The following CSMD1 variants were observed in gnomAD, a reference collection of about 807,000 sequenced individuals.
CSMD1 encodes the protein CUB and Sushi multiple domains 1.
Under a neutral mutation model 417.5 loss-of-function variants are expected in CSMD1, and 213 were observed. The observed-to-expected ratio is 0.51, with a 90% CI of 0.46 to 0.57. The LOEUF is 0.57. CSMD1 is among the 20% of genes least tolerant of loss of function. The pLI, the probability that CSMD1 is intolerant of heterozygous loss-of-function variation, is 0.00. For missense variants in CSMD1, 6,923 were observed against 4,529.7 expected, an observed-to-expected ratio of 1.53 and a Z score of -15.17; for synonymous variants, 2,862 against 1,736.8, an observed-to-expected ratio of 1.65 and a Z score of -16.11.
intron 21 of CSMD1, among the ~76,000 whole-genome samples, chr8:3,350,236 G>T: frequency 7.5e-6 from 1 of 133,938 alleles, no homozygotes; most frequent in African/African-American, 2.7e-5. Flanking sequence ...ATAATAACTT[G>T]TGTATGTGTG....
At chr8:4,264,610 C>A (rs778958723) in intron 3 of CSMD1, among the ~76,000 whole-genome samples, 1 of 152,090 alleles carries the variant, frequency 6.6e-6, no homozygotes, top group Non-Finnish European at 1.5e-5. Context: ...GGGTAGATAG[C>A]AGTAAGGGTT....
At chr8:4,593,117 T>A (rs1329033849) in intron 2 of CSMD1, among the ~76,000 whole-genome samples, 4 of 152,162 alleles carry the variant, frequency 2.6e-5, no homozygotes, top group Non-Finnish European at 5.9e-5. Flanking sequence ...GTCTCATTCC[T>A]TTCTTAGGGT....
chr8:4,967,884 G>A (rs573077523), intron 1 of CSMD1, among the ~76,000 whole-genome samples: 2 of 152,166 alleles, frequency 1.3e-5, no homozygotes, highest in African/African-American at 4.8e-5. Flanking sequence ...GACTCCTGCA[G>A]TACCATACCG....
At chr8:3,348,210 T>A in intron 21 of CSMD1, 49 bp from the exon 22 acceptor site, 1 of 1,469,204 alleles carries the variant, frequency 6.8e-7, no homozygotes, top group Non-Finnish European at 9.3e-7. Flanking sequence ...GTGGAATTAC[T>A]GTTTTTAACA....
rs73183510 is a variant in CSMD1 at position 3,092,192 on chromosome 8, T to C, written c.7139-530A>G. Among the ~76,000 whole-genome samples, 1,159 of 152,230 alleles carry C rather than the reference T, an allele frequency of 7.6e-3. 16 individuals carry two copies. The highest frequency in any genetic ancestry group is 0.018 in the South Asian group (86 of 4,824). On this transcript the variant is annotated intron_variant, in intron 47 of 69. Coordinates refer to ENST00000635120, the MANE Select transcript of CSMD1 (RefSeq NM_033225.6). ...GCAAATTTTAGATCAAACTAGTAAT[T>C]TGGAGTTTTAAAAAAAGAATTGAAG...
At chr8:4,419,497 C>G (rs1450025683) in intron 3 of CSMD1, among the ~76,000 whole-genome samples, 1 of 152,092 alleles carries the variant, frequency 6.6e-6, no homozygotes, top group African/African-American at 2.4e-5. Flanking sequence ...GATCAAACAA[C>G]AGTAAAAGCA....
intron 6 of CSMD1, among the ~76,000 whole-genome samples, chr8:3,716,172 G>T (rs895980976): frequency 2.0e-5 from 3 of 152,190 alleles, no homozygotes; most frequent in African/African-American, 7.2e-5. Flanking sequence ...CTTGTTCACA[G>T]GGATGGGTGT....
chr8:3,490,332 T>G (rs1030744448), intron 11 of CSMD1, among the ~76,000 whole-genome samples: 1 of 152,206 alleles, frequency 6.6e-6, no homozygotes, highest in East Asian at 1.9e-4. Flanking sequence ...TAATACATAG[T>G]TTGCAATTGC....
intron 4 of CSMD1, among the ~76,000 whole-genome samples, chr8:4,029,964 C>G (rs1011680733): frequency 2.0e-5 from 3 of 152,166 alleles, no homozygotes; most frequent in Non-Finnish European, 4.4e-5. Flanking sequence ...TCTTAAAGCT[C>G]CAAAATCATT....
At chr8:3,728,788 G>T (rs931518896) in intron 6 of CSMD1, among the ~76,000 whole-genome samples, 2 of 152,180 alleles carry the variant, frequency 1.3e-5, no homozygotes, top group Non-Finnish European at 2.9e-5. Context: ...CAAATATGAG[G>T]TTTATTCAGC....
intron 2 of CSMD1, among the ~76,000 whole-genome samples, chr8:4,427,410 A>G (rs952702641): frequency 2.0e-5 from 3 of 152,038 alleles, no homozygotes; most frequent in African/African-American, 4.8e-5. Context: ...CCTTGGGGTC[A>G]TAGAACTCTC....
chr8:3,400,895 T>C (rs894731830), intron 15 of CSMD1, among the ~76,000 whole-genome samples: 132 of 151,478 alleles, frequency 8.7e-4, no homozygotes, highest in African/African-American at 3.1e-3. Context: ...GAAAGCAGGG[T>C]AATTTTTATT....
chr8:4,711,761 T>C (rs573137728), intron 1 of CSMD1, among the ~76,000 whole-genome samples: 1 of 152,322 alleles, frequency 6.6e-6, no homozygotes, highest in East Asian at 1.9e-4. Flanking sequence ...TATGTAGTTT[T>C]TGTTTGCTTT....
intron 6 of CSMD1, 39 bp from the exon 7 acceptor site, chr8:3,708,530 T>G (rs76274980): frequency 6.4e-7 from 1 of 1,567,478 alleles, no homozygotes; most frequent in Non-Finnish European, 8.8e-7. Context: ...AGGTAAGACT[T>G]GGAGATCATA....
chr8:4,283,770 T>C (rs1438399030), intron 3 of CSMD1, among the ~76,000 whole-genome samples: 1 of 106,082 alleles, frequency 9.4e-6, no homozygotes, highest in Non-Finnish European at 2.0e-5. Context: ...ATTCTGGACA[T>C]GAACCAAAAG....
At position 4,717,709 on chromosome 8, in the gene CSMD1, A is replaced by T. The variant is rs142574507; in HGVS notation, c.86-80151T>A. On this transcript the variant is annotated intron_variant, in intron 1 of 69. Coordinates refer to ENST00000635120, the MANE Select transcript of CSMD1 (RefSeq NM_033225.6). ...CCGAAGAGGCTGGGTAACCAAGAGA[A>T]TCACATACAGTGGAGCCATGTTTGC... Among the ~76,000 whole-genome samples the T allele has an allele frequency of 1.8e-3, 270 of 152,228 alleles. 9 individuals are homozygous for T. The South Asian group carries it at 0.047, about 27-fold the overall frequency.
At chr8:3,704,407 A>T (rs1801049791) in intron 7 of CSMD1, among the ~76,000 whole-genome samples, 1 of 152,178 alleles carries the variant, frequency 6.6e-6, no homozygotes, top group South Asian at 2.1e-4. Context: ...TCCTAAAACA[A>T]ATCCACAGTT....
At chr8:3,243,915 T>G (rs963657231) in intron 26 of CSMD1, among the ~76,000 whole-genome samples, 3 of 152,154 alleles carry the variant, frequency 2.0e-5, no homozygotes, top group African/African-American at 7.2e-5. Flanking sequence ...CATACATGTT[T>G]TTTAAACGTT....
chr8:4,573,147 G>A (rs779351255), intron 2 of CSMD1, among the ~76,000 whole-genome samples: 14 of 152,124 alleles, frequency 9.2e-5, no homozygotes, highest in Middle Eastern at 3.2e-3. Context: ...TCCCTGTCCC[G>A]TTGTGTTCCC....
Sources: allele counts gnomAD v4.1 joint callset (sites outside exome capture counted in the v4.1 genomes callset), GRCh38; gene constraint gnomAD v4.1.1; transcripts MANE v1.5; gene names NCBI Gene and HGNC (gene_info 2026-07-23, HGNC 2026-07-21).